The following PCDH9 variants were observed in gnomAD, a reference collection of about 807,000 sequenced individuals.
PCDH9 encodes protocadherin 9.
A neutral mutation model predicts 70.6 loss-of-function variants in PCDH9; 24 were observed. The observed-to-expected ratio is 0.34, with a 90% confidence interval of 0.25 to 0.48. The LOEUF is 0.48. PCDH9 is among the 20% of genes least tolerant of loss of function. The probability of loss-of-function intolerance (pLI) is 0.99; values close to 1 mark genes in which losing one functional copy is unlikely to be tolerated. For missense variants in PCDH9, 1,281 were observed against 1,503.6 expected (o/e 0.85, Z 2.45); for synonymous variants, 562 against 558.5 (o/e 1.01, Z -0.09).
chr13:66,712,323 A>T (rs1458492508), intron 3 of PCDH9, among the ~76,000 whole-genome samples: 1 of 152,128 alleles, frequency 6.6e-6, no homozygotes, highest in Admixed American at 6.5e-5. Flanking sequence ...TATTCAAGGG[A>T]AATGAAATAA....
chr13:66,319,402 C>T (rs577559013), intron 4 of PCDH9, among the ~76,000 whole-genome samples: 2 of 150,924 alleles, frequency 1.3e-5, no homozygotes, highest in East Asian at 3.9e-4. Context: ...ATGAATTTGA[C>T]TTTGTGGTAG....
rs531992738 is a variant in PCDH9 at position 66,897,078 on chromosome 13, T to G, written c.3138+6426A>C. 2.1e-4 allele frequency among the ~76,000 whole-genome samples: 32 copies of G among 152,294 alleles called. No individual in the cohort carries two copies. In the South Asian group the frequency reaches 5.6e-3, roughly 27 times the overall value. On this transcript the variant is annotated intron_variant, in intron 3 of 4. Coordinates refer to ENST00000377865, the MANE Select transcript of PCDH9 (RefSeq NM_203487.3). ...GCACTGCTTACACTTTATGGTAACA[T>G]GTTGATATGAGTATACTCCCTTGGA...
At chr13:66,452,650 A>G (rs974718163) in intron 4 of PCDH9, among the ~76,000 whole-genome samples, 1 of 152,084 alleles carries the variant, frequency 6.6e-6, no homozygotes, top group Admixed American at 6.6e-5. Flanking sequence ...CTATGACACC[A>G]TTCTCCTGAA....
intron 2 of PCDH9, among the ~76,000 whole-genome samples, chr13:67,078,534 A>C (rs1190855727): frequency 3.9e-5 from 6 of 152,108 alleles, no homozygotes; most frequent in Admixed American, 2.6e-4. Context: ...TCTTCCTACA[A>C]TACCCTCCTT....
chr13:66,635,145 T>C (rs2077620964), intron 3 of PCDH9, among the ~76,000 whole-genome samples: 1 of 152,178 alleles, frequency 6.6e-6, no homozygotes, highest in South Asian at 2.1e-4. Flanking sequence ...CAACACATAT[T>C]ACAGTGAGAC....
At chr13:67,187,367 A>C (rs539543435) in intron 2 of PCDH9, among the ~76,000 whole-genome samples, 38 of 152,214 alleles carry the variant, frequency 2.5e-4, no homozygotes, top group Admixed American at 2.3e-3. Context: ...ATGTGCACCA[A>C]AGTGTCCGCG....
intron 4 of PCDH9, among the ~76,000 whole-genome samples, chr13:66,561,160 C>T (rs750188687): frequency 2.1e-4 from 32 of 152,324 alleles, no homozygotes; most frequent in Non-Finnish European, 3.7e-4. Context: ...GCACTCGGAG[C>T]GGCCGGCTGG....
At chr13:67,177,563 C>G (rs1465683367) in intron 2 of PCDH9, among the ~76,000 whole-genome samples, 1 of 152,094 alleles carries the variant, frequency 6.6e-6, no homozygotes, top group African/African-American at 2.4e-5. Flanking sequence ...ACTCCTCACC[C>G]CATTCCTCTG....
intron 3 of PCDH9, among the ~76,000 whole-genome samples, chr13:66,650,518 C>A (rs1243214854): frequency 6.6e-6 from 1 of 151,838 alleles, no homozygotes; most frequent in Non-Finnish European, 1.5e-5. Context: ...GACCTCAATA[C>A]AATAATAGCT....
chr13:66,875,788 C>A (rs938236749), intron 3 of PCDH9, among the ~76,000 whole-genome samples: 41 of 152,202 alleles, frequency 2.7e-4, no homozygotes, highest in South Asian at 8.3e-4. Flanking sequence ...GGTGAAGAGA[C>A]CCTGGACAAC....
chr13:66,682,390 A>G lies in PCDH9; in HGVS notation c.3139-50979T>C, dbSNP rs531793835. On this transcript the variant is annotated intron_variant, in intron 3 of 4. Coordinates refer to ENST00000377865, the MANE Select transcript of PCDH9 (RefSeq NM_203487.3). ...TATCTATCTATCTATCTATCTATCT[A>G]TCTATCTATCATCTATCATCTTCTT... Among the ~76,000 whole-genome samples, 485 of 108,066 alleles carry G rather than the reference A, an allele frequency of 4.5e-3. 1 individual carries two copies. The highest frequency in any genetic ancestry group is 0.016 in the African/African-American group (463 of 29,302). 70.9% of individuals were successfully genotyped at this position (108,066 alleles called of 152,430 possible).
chr13:66,395,504 A>G (rs1287827113), intron 4 of PCDH9, among the ~76,000 whole-genome samples: 2 of 151,954 alleles, frequency 1.3e-5, no homozygotes, highest in African/African-American at 2.4e-5. Flanking sequence ...GGGAACTAAG[A>G]CAGGAGAATC....
chr13:66,913,550 T>G (rs10492592), intron 2 of PCDH9, among the ~76,000 whole-genome samples: 22,627 of 151,946 alleles, frequency 0.15, 2,032 homozygotes, highest in Non-Finnish European at 0.21. Context: ...ATCATCTGAC[T>G]TAGTTTCACA....
intron 4 of PCDH9, among the ~76,000 whole-genome samples, chr13:66,484,888 TG>T (rs1352980793): frequency 2.0e-5 from 3 of 152,226 alleles, no homozygotes; most frequent in African/African-American, 7.2e-5. Flanking sequence ...AAGAGTGCTT[TG>T]TAAAATGAAG....
chr13:66,630,546 G>A (rs980809446), intron 4 of PCDH9, among the ~76,000 whole-genome samples: 14 of 152,150 alleles, frequency 9.2e-5, no homozygotes, highest in Non-Finnish European at 1.9e-4. Context: ...TCTGGAGTGG[G>A]GTATGGGTCT....
chr13:67,002,092 T>C (rs1029287423), intron 2 of PCDH9: 8 of 152,238 alleles, frequency 5.3e-5, no homozygotes, highest in African/African-American at 1.9e-4. Context: ...AGAATGTCTT[T>C]ATCTTCAGAT....
intron 4 of PCDH9, among the ~76,000 whole-genome samples, chr13:66,409,107 G>C (rs1260745523): frequency 6.6e-6 from 1 of 152,032 alleles, no homozygotes; most frequent in Non-Finnish European, 1.5e-5. Flanking sequence ...GACTGGATTG[G>C]GTAGAGGCAG....
At chr13:66,335,074 A>C (rs904768761) in intron 4 of PCDH9, among the ~76,000 whole-genome samples, 1 of 152,114 alleles carries the variant, frequency 6.6e-6, no homozygotes, top group Non-Finnish European at 1.5e-5. Flanking sequence ...ATAGCCTTCA[A>C]ACCCTTGGTG....
At chr13:66,501,751 ACC>A (rs1959178119) in intron 4 of PCDH9, among the ~76,000 whole-genome samples, 1 of 152,040 alleles carries the variant, frequency 6.6e-6, no homozygotes, top group Non-Finnish European at 1.5e-5. Flanking sequence ...AATCAAACTG[ACC>A]AAAAAGAAAA....
Sources: gnomAD v4.1 joint callset for allele counts (sites outside exome capture counted in the v4.1 genomes callset) on GRCh38, gnomAD v4.1.1 for gene constraint, MANE v1.5 for transcripts, NCBI Gene and HGNC (gene_info 2026-07-23, HGNC 2026-07-21) for gene names.